FBN2: variants seen among roughly 807,000 people sequenced by gnomAD.
FBN2 encodes fibrillin-2.
A neutral mutation model predicts 355.6 loss-of-function variants in FBN2; 105 were observed. That is an observed-to-expected ratio of 0.30 (90% CI 0.25 to 0.35). FBN2 has a LOEUF of 0.35. Ranked by LOEUF, FBN2 falls within the 10% of genes least tolerant of loss-of-function variation. The pLI is 1.00. For synonymous variants in FBN2, 1,350 were observed against 1,301.2 expected (o/e 1.04, Z -0.81); for missense variants, 3,280 against 3,758.7 (o/e 0.87, Z 3.33).
At chr5:128,371,534 T>TC in intron 15 of FBN2, among the ~76,000 whole-genome samples, 1 of 144,102 alleles carries the variant, frequency 6.9e-6, no homozygotes, top group Non-Finnish European at 1.5e-5. Flanking sequence ...CTTCCTTCCT[T>TC]CTGTTTTTTT....
chr5:128,278,130 T>C (rs1268828652), intron 57 of FBN2, 125 bp from the exon 58 acceptor site: 5 of 915,124 alleles, frequency 5.5e-6, no homozygotes, highest in African/African-American at 1.6e-5. Flanking sequence ...CTAATAGCAC[T>C]GGAGCACCTG....
chr5:128,309,950 G>A, intron 40 of FBN2, 33 bp downstream of exon 40: 1 of 1,610,312 alleles, frequency 6.2e-7, no homozygotes, highest in Non-Finnish European at 8.5e-7. Flanking sequence ...GTCAACAACT[G>A]TGCTCTAATT....
In FBN2 at chr5:128,263,413, A is replaced by C. The variant is rs754156868; in HGVS notation, c.8192+12T>G. 1 of 1,595,750 alleles carries C rather than the reference A, an allele frequency of 6.3e-7. No individual in the cohort carries two copies. The highest frequency in any genetic ancestry group is 1.7e-5 in the Admixed American group (1 of 60,004). On this transcript the variant is annotated intron_variant, in intron 63 of 64. Transcript: ENST00000262464. ...GTATTCCTCTATGTGCTGAGGCTGA[A>C]GGCCGCCTTACCCTTGTCCCACTCT...
Position 128,395,214 on chromosome 5 carries a change from G to A in FBN2, c.1139C>T (p.Pro380Leu), listed in dbSNP as rs139189178. 1.7e-5 allele frequency: 27 copies of A among 1,613,930 alleles called. No individual in the cohort carries two copies. Among genetic ancestry groups the A allele is most frequent in the African/African-American group, 1.1e-4 (8 of 74,882 alleles). ...GCACTGCATTTTCGTCATTCTCCCC[G>A]GGAGCTCTTGTGCACAGCGGCCATT... Reference protein sequence around the residue: ...LVNGRCAQELPGRMTKMQCCC... With the variant: ...LVNGRCAQELLGRMTKMQCCC... Residue 380 changes from proline to leucine, a missense_variant, in exon 9 of 65, where the codon CCG becomes CTG. Around this residue, in one of 6 missense-constraint regions of FBN2, gnomAD observed 343 missense variants for 331.0 expected, o/e 1.04. Coordinates refer to ENST00000262464, the MANE Select transcript of FBN2 (RefSeq NM_001999.4).
chr5:128,349,591 G>T, intron 22 of FBN2, 119 bp from the exon 23 acceptor site: 1 of 1,234,700 alleles, frequency 8.1e-7, no homozygotes, highest in Non-Finnish European at 1.2e-6. Context: ...ATTATTACTT[G>T]AGTTAAACAG....
At chr5:128,383,044 A>G (rs578045196) in intron 11 of FBN2, among the ~76,000 whole-genome samples, 1 of 152,230 alleles carries the variant, frequency 6.6e-6, no homozygotes, top group Non-Finnish European at 1.5e-5. Context: ...GATCCCTAAG[A>G]GAAGGAAAAC....
chr5:128,374,558 T>C (rs192747161), intron 15 of FBN2, 70 bp downstream of exon 15: 25 of 1,591,838 alleles, frequency 1.6e-5, no homozygotes, highest in Non-Finnish European at 2.1e-5. Flanking sequence ...CTCCACTGTA[T>C]AGAAATATCT....
intron 18 of FBN2, among the ~76,000 whole-genome samples, chr5:128,362,119 T>C (rs1011399208): frequency 6.6e-6 from 1 of 152,226 alleles, no homozygotes; most frequent in Non-Finnish European, 1.5e-5. Context: ...CACTTGCTTT[T>C]AGTCCTGTAA....
At chr5:128,451,871 A>T (rs1229182900) in intron 6 of FBN2, among the ~76,000 whole-genome samples, 1 of 152,224 alleles carries the variant, frequency 6.6e-6, no homozygotes, top group African/African-American at 2.4e-5. Context: ...TGTATGCTGC[A>T]TACGGATTAT....
At chr5:128,310,389 TA>T (rs1750012533) in intron 39 of FBN2, among the ~76,000 whole-genome samples, 2 of 9,970 alleles carry the variant, frequency 2.0e-4, no homozygotes, top group African/African-American at 7.2e-4. Flanking sequence ...TATATATATA[TA>T]TATATATATA....
intron 6 of FBN2, among the ~76,000 whole-genome samples, chr5:128,460,349 A>G (rs1170747589): frequency 6.6e-6 from 1 of 152,206 alleles, no homozygotes; most frequent in Non-Finnish European, 1.5e-5. Context: ...GCTCAAGGAA[A>G]TAAGAGAGGA....
Position 128,537,833 on chromosome 5 carries a change from C to A in FBN2, c.-230G>T, listed in dbSNP as rs1756902562. 6.7e-6 allele frequency: 4 copies of A among 596,788 alleles called. No individual in the cohort carries two copies. Among genetic ancestry groups the A allele is most frequent in the East Asian group, 2.8e-5 (1 of 35,738 alleles). The allele number at this position is 596,788 out of a possible 1,614,324, so 37.0% of individuals were successfully genotyped here. Reference sequence around the variant, plus strand: ...GGGTCTAGCGCAGTGAGCGGCGAGGCGCGGCGGAGGTGCAGCCGGCAGCCC... The same window carrying A: ...GGGTCTAGCGCAGTGAGCGGCGAGGAGCGGCGGAGGTGCAGCCGGCAGCCC... On this transcript the variant is annotated 5_prime_UTR_variant, in exon 1 of 65. Coordinates refer to ENST00000262464, the MANE Select transcript of FBN2 (RefSeq NM_001999.4).
intron 6 of FBN2, among the ~76,000 whole-genome samples, chr5:128,453,461 A>T (rs1269539786): frequency 6.6e-6 from 1 of 152,012 alleles, no homozygotes; most frequent in Admixed American, 6.6e-5. Flanking sequence ...CTTGGCATCC[A>T]CTCTGGCCTT....
intron 5 of FBN2, among the ~76,000 whole-genome samples, chr5:128,489,195 A>T (rs190190399): frequency 2.0e-3 from 308 of 152,252 alleles, no homozygotes; most frequent in Non-Finnish European, 3.6e-3. Flanking sequence ...TGCCATTCTA[A>T]CTGGCCAGTT....
At chr5:128,407,883 A>G (rs552892612) in intron 8 of FBN2, among the ~76,000 whole-genome samples, 2 of 152,314 alleles carry the variant, frequency 1.3e-5, no homozygotes, top group East Asian at 3.9e-4. Context: ...GGGGAGAGAG[A>G]GACACTGCCC....
intron 20 of FBN2, among the ~76,000 whole-genome samples, chr5:128,355,806 G>T (rs2126929155): frequency 6.6e-6 from 1 of 152,276 alleles, no homozygotes; most frequent in South Asian, 2.1e-4. Flanking sequence ...CACAATAAAT[G>T]AAAGCACACA....
intron 15 of FBN2, among the ~76,000 whole-genome samples, chr5:128,373,414 A>G (rs1441668273): frequency 6.6e-6 from 1 of 152,216 alleles, no homozygotes; most frequent in Non-Finnish European, 1.5e-5. Context: ...TAAATCTTTG[A>G]CTGGATAGAG....
At chr5:128,423,419 G>A (rs1010597039) in intron 7 of FBN2, among the ~76,000 whole-genome samples, 2 of 152,126 alleles carry the variant, frequency 1.3e-5, no homozygotes, top group African/African-American at 4.8e-5. Flanking sequence ...GAGAACATGT[G>A]TAAGGGAACT....
intron 5 of FBN2, among the ~76,000 whole-genome samples, chr5:128,488,897 T>C (rs1315120063): frequency 6.6e-6 from 1 of 152,028 alleles, no homozygotes; most frequent in Non-Finnish European, 1.5e-5. Flanking sequence ...ATCCAATCTA[T>C]CATTGTTGGA....
Sources: allele counts gnomAD v4.1 joint callset (sites outside exome capture counted in the v4.1 genomes callset), GRCh38; gene constraint gnomAD v4.1.1; regional missense constraint gnomAD v4.1.1; transcripts MANE v1.5; gene names NCBI Gene and HGNC (gene_info 2026-07-23, HGNC 2026-07-21).